UGT8: variants seen among roughly 807,000 people sequenced by gnomAD.
UGT8 encodes 2-hydroxyacylsphingosine 1-beta-galactosyltransferase.
A neutral mutation model predicts 40.5 loss-of-function variants in UGT8; 12 were observed. That is an observed-to-expected ratio of 0.30 (90% confidence interval 0.19 to 0.48). The LOEUF is 0.48. Among genes scored for constraint, UGT8 ranks in the 20% least tolerant of loss-of-function variants. The pLI, the probability that UGT8 is intolerant of heterozygous loss-of-function variation, is 0.99. For missense variants in UGT8, 513 were observed against 648.7 expected (o/e 0.79, Z 2.27); for synonymous variants, 224 against 240.4 (o/e 0.93, Z 0.63).
chr4:114,613,279 C>T (rs1170908169), intron 1 of UGT8, among the ~76,000 whole-genome samples: 1 of 152,142 alleles, frequency 6.6e-6, no homozygotes, highest in Non-Finnish European at 1.5e-5. Context: ...AAAACCTCAA[C>T]ATTTTATATA....
chr4:114,618,522 C>T (rs1731577055), intron 1 of UGT8, among the ~76,000 whole-genome samples: 1 of 152,146 alleles, frequency 6.6e-6, no homozygotes, highest in African/African-American at 2.4e-5. Context: ...TTATATTCTT[C>T]ACTCAAATTT....
intron 5 of UGT8, among the ~76,000 whole-genome samples, chr4:114,673,358 C>T (rs1478336942): frequency 1.3e-5 from 2 of 152,154 alleles, no homozygotes; most frequent in African/African-American, 2.4e-5. Context: ...GATCCATGGA[C>T]CTCCTCTGAA....
chr4:114,646,562 G>A (rs1441690710), intron 2 of UGT8, among the ~76,000 whole-genome samples: 1 of 152,106 alleles, frequency 6.6e-6, no homozygotes, highest in African/African-American at 2.4e-5. Flanking sequence ...TTTCACAGGA[G>A]AATTAAGCCC....
chr4:114,652,275 G>A (rs1322607594), intron 2 of UGT8, among the ~76,000 whole-genome samples: 1 of 152,076 alleles, frequency 6.6e-6, no homozygotes, highest in African/African-American at 2.4e-5. Context: ...TCAGGGATGG[G>A]ATAAGCTAAG....
At chr4:114,600,989 C>T (rs919246596) in intron 1 of UGT8, among the ~76,000 whole-genome samples, 2 of 151,976 alleles carry the variant, frequency 1.3e-5, no homozygotes, top group Non-Finnish European at 2.9e-5. Context: ...GCATAGTGCC[C>T]CGATATTTAG....
At chr4:114,640,187 C>G (rs1167741715) in intron 2 of UGT8, among the ~76,000 whole-genome samples, 1 of 152,092 alleles carries the variant, frequency 6.6e-6, no homozygotes, top group Admixed American at 6.5e-5. Flanking sequence ...CCCGCCACCA[C>G]GCCTGGCTAA....
intron 1 of UGT8, among the ~76,000 whole-genome samples, chr4:114,613,511 A>G (rs1731213797): frequency 1.3e-5 from 2 of 152,204 alleles, no homozygotes; most frequent in African/African-American, 4.8e-5. Flanking sequence ...TTGTATATAG[A>G]AATTTAAACA....
intron 2 of UGT8, among the ~76,000 whole-genome samples, chr4:114,650,778 C>A (rs1454897532): frequency 6.6e-6 from 1 of 152,002 alleles, no homozygotes; most frequent in East Asian, 1.9e-4. Context: ...ACAACAACAA[C>A]AAAACAAAAC....
At chr4:114,605,184 G>A (rs531899382) in intron 1 of UGT8, among the ~76,000 whole-genome samples, 35 of 152,268 alleles carry the variant, frequency 2.3e-4, no homozygotes, top group Non-Finnish European at 4.0e-4. Context: ...TTTGGTTTAT[G>A]AATGGCAGGG....
At chr4:114,599,846 T>C (rs1730334424) in intron 1 of UGT8, among the ~76,000 whole-genome samples, 1 of 152,130 alleles carries the variant, frequency 6.6e-6, no homozygotes, top group Admixed American at 6.5e-5. Context: ...GTAGATGCAG[T>C]GCGTCGGGGC....
intron 2 of UGT8, among the ~76,000 whole-genome samples, chr4:114,647,348 T>C (rs181824853): frequency 7.6e-4 from 108 of 141,314 alleles, no homozygotes; most frequent in Non-Finnish European, 1.1e-3. Context: ...TTACATGAAT[T>C]AGCTCTTTTG....
At chr4:114,616,189 C>A (rs528649345) in intron 1 of UGT8, among the ~76,000 whole-genome samples, 1 of 152,294 alleles carries the variant, frequency 6.6e-6, no homozygotes, top group African/African-American at 2.4e-5. Context: ...CTATGCCCTG[C>A]CCCCAGAGGT....
At position 114,677,467 on chromosome 4, in the gene UGT8, T is replaced by G. The variant is rs1252795728; in HGVS notation, c.*1179T>G. On this transcript the variant is annotated 3_prime_UTR_variant, in exon 6 of 6. Transcript: ENST00000310836. The stretch of plus-strand genomic sequence containing the variant: ...CTATATACAGATGTGACAGATAAAT[T>G]GAACCACTTGTTTGTGAAAATGAGT... The G allele has an allele frequency of 6.6e-6, 1 of 152,202 alleles. No homozygotes were observed. Among genetic ancestry groups the G allele is most frequent in the African/African-American group, 2.4e-5 (1 of 41,446 alleles). 9.4% of individuals were successfully genotyped at this position (152,202 alleles called of 1,614,324 possible).
At chr4:114,671,376 A>C (rs1735263952) in intron 5 of UGT8, among the ~76,000 whole-genome samples, 1 of 151,962 alleles carries the variant, frequency 6.6e-6, no homozygotes, top group South Asian at 2.1e-4. Flanking sequence ...ACAACCAACC[A>C]AAAACAAAAA....
In UGT8 at chr4:114,640,117, G is replaced by A. The variant is rs556052972; in HGVS notation, c.822+16415G>A. Among the ~76,000 whole-genome samples, 59 of 147,304 alleles carry A rather than the reference G, an allele frequency of 4.0e-4. 1 individual carries two copies. The South Asian group carries it at 0.012, about 30-fold the overall frequency. ...GCGATCTCGGCTCACTGCAAGCTCC[G>A]CCTCCCGGGTTCACGCCATTCTCCT... On this transcript the variant is annotated intron_variant, in intron 2 of 5. Transcript: ENST00000310836.
chr4:114,658,139 T>C (rs1342128617), intron 2 of UGT8, among the ~76,000 whole-genome samples: 1 of 152,204 alleles, frequency 6.6e-6, no homozygotes, highest in Non-Finnish European at 1.5e-5. Flanking sequence ...ATGTTCACTA[T>C]CATTTTACCT....
intron 1 of UGT8, among the ~76,000 whole-genome samples, chr4:114,613,339 T>C (rs1014875933): frequency 1.3e-5 from 2 of 152,192 alleles, no homozygotes; most frequent in African/African-American, 4.8e-5. Context: ...TTGATAATGC[T>C]TTTCTAACAT....
chr4:114,645,945 T>C (rs1733542789), intron 2 of UGT8, among the ~76,000 whole-genome samples: 1 of 152,150 alleles, frequency 6.6e-6, no homozygotes, highest in Non-Finnish European at 1.5e-5. Context: ...GAAACAATAA[T>C]GTACATTTTT....
intron 2 of UGT8, among the ~76,000 whole-genome samples, chr4:114,661,730 A>C (rs1170808191): frequency 6.6e-6 from 1 of 152,196 alleles, no homozygotes; most frequent in Non-Finnish European, 1.5e-5. Context: ...TCTCTAACTC[A>C]GGAAATAGGA....
Sources: allele counts gnomAD v4.1 joint callset (sites outside exome capture counted in the v4.1 genomes callset), GRCh38; gene constraint gnomAD v4.1.1; transcripts MANE v1.5; gene names NCBI Gene and HGNC (gene_info 2026-07-23, HGNC 2026-07-21).